The following FAM78B variants were observed in gnomAD, a reference collection of about 807,000 sequenced individuals.
FAM78B encodes the protein protein FAM78B.
Under a neutral mutation model 20.0 loss-of-function variants are expected in FAM78B, and 10 were observed. The observed-to-expected ratio is 0.50, with a 90% CI of 0.31 to 0.85. FAM78B has a LOEUF of 0.85. Among genes scored for constraint, FAM78B ranks in the 40% least tolerant of loss-of-function variants. The pLI, the probability that FAM78B is intolerant of heterozygous loss-of-function variation, is 0.05. For synonymous variants in FAM78B, 135 were observed against 132.8 expected, an observed-to-expected ratio of 1.02 and a Z score of -0.12; for missense variants, 283 against 345.0, an observed-to-expected ratio of 0.82 and a Z score of 1.42.
intron 1 of FAM78B, among the ~76,000 whole-genome samples, chr1:166,148,717 G>A (rs1655567242): frequency 6.6e-6 from 1 of 152,210 alleles, no homozygotes; most frequent in Admixed American, 6.5e-5. Context: ...TTTGAGCCAG[G>A]AAGATCAGAT....
rs1655013258 is a variant in FAM78B, at chr1:166,134,848, T to C, written c.263+31138A>G. Among the ~76,000 whole-genome samples, 3 of 152,218 alleles carry C rather than the reference T, an allele frequency of 2.0e-5. No homozygotes were observed. In the South Asian group the frequency reaches 6.2e-4, roughly 32 times the overall value. The stretch of plus-strand genomic sequence containing the variant: ...GTTCGTGTCTAGAATCTATTGATAA[T>C]TTCAACACATACTGTTTCTAGGAGT... On this transcript the variant is annotated intron_variant, in intron 1 of 1. Transcript: ENST00000354422.
At chr1:166,161,302 A>C (rs1656141190) in intron 1 of FAM78B, among the ~76,000 whole-genome samples, 1 of 152,134 alleles carries the variant, frequency 6.6e-6, no homozygotes, top group Non-Finnish European at 1.5e-5. Context: ...GTGTGCCACC[A>C]TGCCCAGCTA....
chr1:166,091,525 C>T, intron 1 of FAM78B, among the ~76,000 whole-genome samples: 1 of 152,176 alleles, frequency 6.6e-6, no homozygotes, highest in East Asian at 1.9e-4. Flanking sequence ...GCCTGTCCAG[C>T]CATATGGAAC....
intron 1 of FAM78B, among the ~76,000 whole-genome samples, chr1:166,129,645 C>G (rs1040595145): frequency 6.6e-6 from 1 of 151,658 alleles, no homozygotes; most frequent in Non-Finnish European, 1.5e-5. Context: ...TCTGGGAAAC[C>G]CTTTTCTCTG....
chr1:166,077,485 C>A (rs1039595974), intron 1 of FAM78B, among the ~76,000 whole-genome samples: 1 of 151,136 alleles, frequency 6.6e-6, no homozygotes, highest in Admixed American at 6.6e-5. Flanking sequence ...CCCTACATCT[C>A]AGAACTATTA....
At chr1:166,112,053 G>GT (rs1315570177) in intron 1 of FAM78B, among the ~76,000 whole-genome samples, 1 of 152,188 alleles carries the variant, frequency 6.6e-6, no homozygotes, top group African/African-American at 2.4e-5. Context: ...TAATTCTGCA[G>GT]TTTCATCTCC....
At position 166,166,144 on chromosome 1, in the gene FAM78B, C is replaced by T; in HGVS notation, c.105G>A (p.Glu35=). The change falls in exon 1 of 2, where the codon GAG becomes GAA. Residue 35 remains glutamate (E), a synonymous_variant. Transcript: ENST00000354422. ...AGCGCAGGACGATGGGCGAGGTCTC[C>T]TCGATGCGCGTGGGGCACTGGTCGA... is the stretch of plus-strand genomic sequence containing the variant. ...ATIDQCPTRI[E]ETSPIVLRYK... 2 of 1,607,690 alleles carry T rather than the reference C, an allele frequency of 1.2e-6. No homozygotes were observed. Among genetic ancestry groups the T allele is most frequent in the Non-Finnish European group, 1.7e-6 (2 of 1,177,056 alleles).
In FAM78B at chr1:166,164,212, C is replaced by T. The variant is rs373717994; in HGVS notation, c.263+1774G>A. 3.3e-5 allele frequency among the ~76,000 whole-genome samples: 5 copies of T among 152,370 alleles called. No individual in the cohort carries two copies. In the South Asian group the frequency reaches 8.3e-4, roughly 25 times the overall value. On this transcript the variant is annotated intron_variant, in intron 1 of 1. Coordinates refer to ENST00000354422, the MANE Select transcript of FAM78B (RefSeq NM_001017961.5). ...AAAAGTGAGGCTGCTTCTGCACAGT[C>T]ACTCCTGGCTTCCTCTACCAGGGGC...
intron 1 of FAM78B, among the ~76,000 whole-genome samples, chr1:166,114,494 G>A (rs1245617765): frequency 6.6e-6 from 1 of 152,218 alleles, no homozygotes; most frequent in African/African-American, 2.4e-5. Flanking sequence ...CCAGGAAGGG[G>A]TTTATAATAG....
chr1:166,152,515 T>C (rs1447706510), intron 1 of FAM78B, among the ~76,000 whole-genome samples: 1 of 152,108 alleles, frequency 6.6e-6, no homozygotes, highest in Non-Finnish European at 1.5e-5. Context: ...GTGCTTAAGC[T>C]TCTTTCATAC....
intron 1 of FAM78B, among the ~76,000 whole-genome samples, chr1:166,140,164 C>T (rs768880363): frequency 2.0e-5 from 3 of 152,208 alleles, no homozygotes; most frequent in Non-Finnish European, 4.4e-5. Flanking sequence ...GGAGCAGTAG[C>T]GTTGCTCTCT....
chr1:166,108,606 A>G (rs764447213), intron 1 of FAM78B, among the ~76,000 whole-genome samples: 13 of 152,180 alleles, frequency 8.5e-5, no homozygotes, highest in Non-Finnish European at 1.6e-4. Context: ...TACAAATTCA[A>G]TGCAATTCCC....
rs149045224 is a variant in FAM78B, at chr1:166,099,548, C to T, written c.264-28785G>A. ...GAGACTCACCTAGCACATAAAGACT[C>T]ATATAAAGTTAAATTAAAGGGGTGG... is the stretch of plus-strand genomic sequence containing the variant. On this transcript the variant is annotated intron_variant, in intron 1 of 1. Transcript: ENST00000354422. 8.4e-4 allele frequency among the ~76,000 whole-genome samples: 128 copies of T among 152,240 alleles called. 1 individual carries two copies. The highest frequency in any genetic ancestry group is 2.8e-3 in the African/African-American group (116 of 41,546).
intron 1 of FAM78B, among the ~76,000 whole-genome samples, chr1:166,078,685 G>C (rs1652433599): frequency 6.6e-6 from 1 of 152,318 alleles, no homozygotes; most frequent in Non-Finnish European, 1.5e-5. Flanking sequence ...CTGAAGCCCT[G>C]CAGTCACTGG....
intron 1 of FAM78B, among the ~76,000 whole-genome samples, chr1:166,109,850 A>G (rs1460125396): frequency 0.089 from 1,685 of 18,970 alleles, 271 homozygotes; most frequent in African/African-American, 0.15. Context: ...GTATATATAT[A>G]TATATATATA....
At chr1:166,114,480 C>T (rs908784874) in intron 1 of FAM78B, among the ~76,000 whole-genome samples, 1 of 152,188 alleles carries the variant, frequency 6.6e-6, no homozygotes. Flanking sequence ...TACTACACTT[C>T]CCCCCAGGAA....
Position 166,152,658 on chromosome 1 carries a change from T to TGA in FAM78B, c.263+13327_263+13328insTC, listed in dbSNP as rs556757590. ...AGGGGAAGTTCTTGGTACTCTGGAT[T>TGA]TATTTATTTATTTATTTATTTATTT... On this transcript the variant is annotated intron_variant, in intron 1 of 1. Coordinates refer to ENST00000354422, the MANE Select transcript of FAM78B (RefSeq NM_001017961.5). 4.3e-3 allele frequency among the ~76,000 whole-genome samples: 541 copies of TGA among 125,742 alleles called. 1 individual carries two copies. Among genetic ancestry groups the TGA allele is most frequent in the African/African-American group, 0.017 (500 of 28,584 alleles). The allele number at this position is 125,742 out of a possible 152,430, so 82.5% of individuals were successfully genotyped here. A position where few individuals can be genotyped will look rare whatever the true frequency, so the allele number is the denominator to read the frequency against.
At chr1:166,097,093 C>A (rs539574772) in intron 1 of FAM78B, among the ~76,000 whole-genome samples, 1 of 152,350 alleles carries the variant, frequency 6.6e-6, no homozygotes, top group African/African-American at 2.4e-5. Context: ...CTTGAACACA[C>A]ACCCCTGCCG....
At position 166,124,006 on chromosome 1, in the gene FAM78B, G is replaced by C. The variant is rs560510417; in HGVS notation, c.263+41980C>G. Among the ~76,000 whole-genome samples the C allele has an allele frequency of 1.5e-4, 23 of 152,340 alleles. 1 individual carries two copies. Among genetic ancestry groups the C allele is most frequent in the Middle Eastern group, 3.4e-3 (1 of 294 alleles). On this transcript the variant is annotated intron_variant, in intron 1 of 1. Coordinates refer to ENST00000354422, the MANE Select transcript of FAM78B (RefSeq NM_001017961.5). ...GTGGGATCTGGGCTGCAGAAGCCAG[G>C]AGAAGGTGCTGAACTGATGAGGACA...
Sources: allele counts gnomAD v4.1 joint callset (sites outside exome capture counted in the v4.1 genomes callset), GRCh38; gene constraint gnomAD v4.1.1; transcripts MANE v1.5; gene names NCBI Gene and HGNC (gene_info 2026-07-23, HGNC 2026-07-21).